The following ZNF385D variants were observed in gnomAD, a reference collection of about 807,000 sequenced individuals.
ZNF385D encodes the protein zinc finger protein 385D.
ZNF385D carries 15 observed loss-of-function variants against 35.8 expected under a neutral mutation model. The ratio of observed to expected loss-of-function variants is 0.42; its 90% CI spans 0.28 to 0.64. ZNF385D has a LOEUF of 0.64. Among genes scored for constraint, ZNF385D ranks in the 30% least tolerant of loss-of-function variants. The pLI is 0.23. For missense variants in ZNF385D, 474 were observed against 494.6 expected (o/e 0.96, Z 0.39); for synonymous variants, 212 against 186.8 (o/e 1.13, Z -1.10).
rs1039365762 is a variant in ZNF385D, at chr3:22,097,102, C to A, written c.325+71715G>T. Among the ~76,000 whole-genome samples the A allele has an allele frequency of 2.6e-5, 3 of 116,754 alleles. No homozygotes were observed. In the South Asian group the frequency reaches 9.5e-4, roughly 37 times the overall value. The allele number at this position is 116,754 out of a possible 152,430, so 76.6% of individuals were successfully genotyped here. ...TGTGAGTCATGAGAAATGAATTGTC[C>A]ATCTTCAGCTAAGCAACACCAGTGA... On this transcript the variant is annotated intron_variant, in intron 3 of 5. Coordinates refer to the ZNF385D transcript ENST00000494108.
At chr3:22,042,406 A>T (rs886563825) in intron 3 of ZNF385D, among the ~76,000 whole-genome samples, 2 of 151,962 alleles carry the variant, frequency 1.3e-5, no homozygotes, top group South Asian at 4.1e-4. Flanking sequence ...ATGCATGTAG[A>T]TTTCTATACT....
intron 2 of ZNF385D, among the ~76,000 whole-genome samples, chr3:22,321,511 G>A (rs2125445790): frequency 6.6e-6 from 1 of 151,904 alleles, no homozygotes; most frequent in South Asian, 2.1e-4. Flanking sequence ...GACTACAGGG[G>A]CCCGCCACCA....
intron 3 of ZNF385D, among the ~76,000 whole-genome samples, chr3:22,047,049 C>T (rs1699046701): frequency 6.6e-6 from 1 of 152,114 alleles, no homozygotes; most frequent in Non-Finnish European, 1.5e-5. Context: ...ATACCAGTAA[C>T]TGGACTACAA....
rs114093392 is a variant in ZNF385D at position 21,685,632 on chromosome 3, T to C, written c.23-20604A>G. 1.5e-3 allele frequency among the ~76,000 whole-genome samples: 223 copies of C among 152,252 alleles called. 2 individuals carry two copies. The highest frequency in any genetic ancestry group is 2.7e-3 in the Non-Finnish European group (185 of 68,016). ...CCTGATGGATGTTGAAACCAAATGG[T>C]CTAGACAAATCTCAAGGGCTCTGAA... On this transcript the variant is annotated intron_variant, in intron 1 of 7. Transcript: ENST00000281523.
chr3:21,808,487 T>C (rs74350724), intron 3 of ZNF385D, among the ~76,000 whole-genome samples: 13,159 of 152,244 alleles, frequency 0.086, 768 homozygotes, highest in South Asian at 0.14. Flanking sequence ...CCCATCCACT[T>C]ACCACTGGGC....
At chr3:21,836,028 T>C (rs559324676) in intron 3 of ZNF385D, among the ~76,000 whole-genome samples, 1 of 152,162 alleles carries the variant, frequency 6.6e-6, no homozygotes, top group African/African-American at 2.4e-5. Context: ...GTAAAGAAAA[T>C]TATGCCCAGC....
chr3:21,622,765 A>G (rs1048644450), intron 2 of ZNF385D, among the ~76,000 whole-genome samples: 1 of 152,082 alleles, frequency 6.6e-6, no homozygotes, highest in Admixed American at 6.6e-5. Flanking sequence ...TCATCAATTT[A>G]TTTGATCATG....
At chr3:22,064,148 T>G (rs1470169460) in intron 3 of ZNF385D, among the ~76,000 whole-genome samples, 1 of 152,164 alleles carries the variant, frequency 6.6e-6, no homozygotes, top group African/African-American at 2.4e-5. Context: ...AGTGGAATTG[T>G]TGGTCCTCAG....
chr3:21,865,745 T>G (rs1019353422), intron 3 of ZNF385D, among the ~76,000 whole-genome samples: 2 of 152,162 alleles, frequency 1.3e-5, no homozygotes, highest in African/African-American at 4.8e-5. Context: ...CCATTAAAAT[T>G]ATTTTGTGAA....
intron 3 of ZNF385D, among the ~76,000 whole-genome samples, chr3:22,165,486 A>C (rs1178505575): frequency 1.3e-5 from 2 of 152,192 alleles, no homozygotes; most frequent in African/African-American, 4.8e-5. Flanking sequence ...TACTCAGCAA[A>C]ATCATGTGGG....
chr3:21,935,345 G>C (rs1227446049), intron 3 of ZNF385D, among the ~76,000 whole-genome samples: 1 of 152,046 alleles, frequency 6.6e-6, no homozygotes. Flanking sequence ...AAAACACTGT[G>C]GTACGTGCCT....
intron 3 of ZNF385D, among the ~76,000 whole-genome samples, chr3:21,955,281 G>A (rs1326225268): frequency 2.6e-5 from 4 of 152,114 alleles, no homozygotes; most frequent in Non-Finnish European, 5.9e-5. Flanking sequence ...TGATATAGGA[G>A]ATGGAAACTA....
intron 3 of ZNF385D, among the ~76,000 whole-genome samples, chr3:22,006,614 A>T (rs894389539): frequency 6.6e-6 from 1 of 152,118 alleles, no homozygotes. Context: ...TACAGAAAGA[A>T]GAGAGTTAAG....
At chr3:21,623,887 T>A (rs1158286489) in intron 2 of ZNF385D, among the ~76,000 whole-genome samples, 1 of 152,092 alleles carries the variant, frequency 6.6e-6, no homozygotes, top group Non-Finnish European at 1.5e-5. Context: ...AATGTAACTC[T>A]GACAAAATTA....
chr3:21,467,218 C>A (rs112238734), intron 4 of ZNF385D, among the ~76,000 whole-genome samples: 6 of 152,272 alleles, frequency 3.9e-5, no homozygotes, highest in African/African-American at 1.4e-4. Flanking sequence ...ATTGCTTGAA[C>A]CTGACTTACT....
At chr3:21,617,758 C>T (rs1266690603) in intron 2 of ZNF385D, among the ~76,000 whole-genome samples, 1 of 152,144 alleles carries the variant, frequency 6.6e-6, no homozygotes, top group Non-Finnish European at 1.5e-5. Context: ...GTACTTAGTT[C>T]TGGTGCCCTT....
intron 4 of ZNF385D, among the ~76,000 whole-genome samples, chr3:21,441,214 G>T (rs1701841404): frequency 1.3e-5 from 2 of 152,054 alleles, no homozygotes; most frequent in African/African-American, 4.8e-5. Flanking sequence ...CATGAAATGG[G>T]CACTCAATAA....
intron 3 of ZNF385D, among the ~76,000 whole-genome samples, chr3:21,768,598 C>T (rs1559603903): frequency 2.0e-5 from 3 of 151,970 alleles, no homozygotes. Flanking sequence ...TGTGCACCTG[C>T]TCCTGAAATA....
At chr3:22,058,342 A>C (rs1382480471) in intron 3 of ZNF385D, among the ~76,000 whole-genome samples, 1 of 152,248 alleles carries the variant, frequency 6.6e-6, no homozygotes, top group African/African-American at 2.4e-5. Flanking sequence ...CCCTATTGTC[A>C]ACAGTTGCCT....
Sources: allele counts gnomAD v4.1 joint callset (sites outside exome capture counted in the v4.1 genomes callset), GRCh38; gene constraint gnomAD v4.1.1; transcripts MANE v1.5; gene names NCBI Gene and HGNC (gene_info 2026-07-23, HGNC 2026-07-21).